The following PPM1E variants were observed in gnomAD, a reference collection of about 807,000 sequenced individuals.
PPM1E encodes protein phosphatase, Mg2+/Mn2+ dependent 1E, also known as protein phosphatase 1E.
Under a neutral mutation model 65.9 loss-of-function variants are expected in PPM1E, and 20 were observed. The ratio of observed to expected loss-of-function variants is 0.30; its 90% CI spans 0.21 to 0.44. The LOEUF is 0.44. PPM1E is among the 20% of genes least tolerant of loss of function. PPM1E has a pLI of 1.00. For synonymous variants in PPM1E, 352 were observed against 374.9 expected (o/e 0.94, Z 0.70); for missense variants, 713 against 953.1 (o/e 0.75, Z 3.32).
intron 1 of PPM1E, among the ~76,000 whole-genome samples, chr17:58,901,374 A>G (rs1189221823): frequency 2.6e-5 from 4 of 152,176 alleles, no homozygotes; most frequent in African/African-American, 9.7e-5. Context: ...AGGGTTTTCT[A>G]TTAAAAAATA....
intron 1 of PPM1E, among the ~76,000 whole-genome samples, chr17:58,831,883 A>G (rs543375056): frequency 6.6e-6 from 1 of 152,198 alleles, no homozygotes; most frequent in Non-Finnish European, 1.5e-5. Context: ...AGATAAATAC[A>G]TGTGTGCAGT....
intron 1 of PPM1E, among the ~76,000 whole-genome samples, chr17:58,862,496 T>C (rs1039404244): frequency 1.3e-5 from 2 of 152,262 alleles, no homozygotes; most frequent in African/African-American, 4.8e-5. Flanking sequence ...CTCTTCTGGA[T>C]AGAAATGCTT....
intron 1 of PPM1E, among the ~76,000 whole-genome samples, chr17:58,846,898 T>C (rs954308902): frequency 2.6e-5 from 4 of 152,090 alleles, no homozygotes; most frequent in South Asian, 2.1e-4. Context: ...AGTGTAAAAG[T>C]GTTCCTATTT....
intron 1 of PPM1E, among the ~76,000 whole-genome samples, chr17:58,833,695 G>A (rs1486340682): frequency 6.6e-6 from 1 of 152,114 alleles, no homozygotes; most frequent in East Asian, 1.9e-4. Flanking sequence ...GAACATGCGA[G>A]TGCATATGTC....
At chr17:58,826,728 C>T (rs956007840) in intron 1 of PPM1E, among the ~76,000 whole-genome samples, 2 of 151,908 alleles carry the variant, frequency 1.3e-5, no homozygotes, top group South Asian at 4.1e-4. Flanking sequence ...CAGGTTCAAG[C>T]GATTTTTCTG....
chr17:58,858,180 T>C (rs754584652), intron 1 of PPM1E, among the ~76,000 whole-genome samples: 1 of 152,138 alleles, frequency 6.6e-6, no homozygotes, highest in South Asian at 2.1e-4. Context: ...TTTATTTTAG[T>C]TTAGCTTTTT....
At chr17:58,892,202 T>C (rs2143435516) in intron 1 of PPM1E, among the ~76,000 whole-genome samples, 1 of 152,290 alleles carries the variant, frequency 6.6e-6, no homozygotes, top group South Asian at 2.1e-4. Flanking sequence ...TACCAAACTA[T>C]ACAGATTCTA....
intron 1 of PPM1E, among the ~76,000 whole-genome samples, chr17:58,790,470 A>T (rs2050146770): frequency 1.3e-5 from 2 of 152,136 alleles, no homozygotes; most frequent in African/African-American, 4.8e-5. Flanking sequence ...GTGTATATGC[A>T]TGCTATTTTT....
At chr17:58,798,306 G>A (rs2050225753) in intron 1 of PPM1E, among the ~76,000 whole-genome samples, 1 of 146,876 alleles carries the variant, frequency 6.8e-6, no homozygotes, top group South Asian at 2.1e-4. Flanking sequence ...TCGGCTTGCT[G>A]CAACCTCCAC....
intron 1 of PPM1E, among the ~76,000 whole-genome samples, chr17:58,764,351 T>C: frequency 6.6e-6 from 1 of 152,188 alleles, no homozygotes; most frequent in East Asian, 1.9e-4. Flanking sequence ...ATATTTAAAA[T>C]TAATGAGGAA....
At chr17:58,884,705 C>T (rs932377838) in intron 1 of PPM1E, among the ~76,000 whole-genome samples, 18 of 152,138 alleles carry the variant, frequency 1.2e-4, no homozygotes, top group African/African-American at 4.1e-4. Flanking sequence ...CACTTACTAG[C>T]TATTAGATTA....
At chr17:58,853,233 A>G (rs2050846169) in intron 1 of PPM1E, among the ~76,000 whole-genome samples, 1 of 152,162 alleles carries the variant, frequency 6.6e-6, no homozygotes, top group African/African-American at 2.4e-5. Context: ...ATAATTTTAT[A>G]GTATTAGGTC....
At chr17:58,801,505 G>A (rs1333950375) in intron 1 of PPM1E, among the ~76,000 whole-genome samples, 2 of 139,796 alleles carry the variant, frequency 1.4e-5, no homozygotes, top group Non-Finnish European at 3.0e-5. Flanking sequence ...GCAGTGGCAC[G>A]ATCTCGGCTC....
At chr17:58,939,776 C>A (rs2052038912) in intron 1 of PPM1E, among the ~76,000 whole-genome samples, 1 of 151,994 alleles carries the variant, frequency 6.6e-6, no homozygotes. Context: ...CTAAAACAAA[C>A]AAGAAAACAT....
intron 1 of PPM1E, among the ~76,000 whole-genome samples, chr17:58,804,321 T>C (rs528605615): frequency 2.2e-4 from 34 of 152,346 alleles, no homozygotes; most frequent in African/African-American, 7.9e-4. Flanking sequence ...TCATTATAGG[T>C]GATATCTATC....
At chr17:58,946,650 C>G (rs1275662916) in intron 1 of PPM1E, among the ~76,000 whole-genome samples, 1 of 152,038 alleles carries the variant, frequency 6.6e-6, no homozygotes, top group African/African-American at 2.4e-5. Flanking sequence ...GAGACAGGGT[C>G]TTGTTAAGTT....
intron 1 of PPM1E, among the ~76,000 whole-genome samples, chr17:58,777,534 G>T (rs921334848): frequency 6.6e-6 from 1 of 152,046 alleles, no homozygotes; most frequent in Non-Finnish European, 1.5e-5. Flanking sequence ...CTTACCCAAG[G>T]TGTTTAAGTG....
chr17:58,883,645 G>A (rs556086214), intron 1 of PPM1E, among the ~76,000 whole-genome samples: 4 of 151,412 alleles, frequency 2.6e-5, no homozygotes, highest in East Asian at 1.9e-4. Context: ...CACCACGCCC[G>A]GCTAATTTTT....
intron 1 of PPM1E, among the ~76,000 whole-genome samples, chr17:58,781,194 G>T (rs1231183505): frequency 6.8e-6 from 1 of 146,142 alleles, no homozygotes; most frequent in African/African-American, 2.5e-5. Flanking sequence ...AGGCTGGAGT[G>T]CAGTGTCACG....
Sources: allele counts gnomAD v4.1 joint callset (sites outside exome capture counted in the v4.1 genomes callset), GRCh38; gene constraint gnomAD v4.1.1; transcripts MANE v1.5; gene names NCBI Gene and HGNC (gene_info 2026-07-23, HGNC 2026-07-21).